COG6: variants seen among roughly 807,000 people sequenced by gnomAD.
The protein encoded by COG6 is component of oligomeric golgi complex 6.
In COG6, 74 loss-of-function variants were observed where a neutral mutation model predicts 88.8. That is an observed-to-expected ratio of 0.83 (90% CI 0.69 to 1.01). The LOEUF is 1.01. Ranked by LOEUF, COG6 falls within the 50% of genes least tolerant of loss-of-function variation. The probability of loss-of-function intolerance (pLI) is 0.00; values close to 1 mark genes in which losing one functional copy is unlikely to be tolerated. For synonymous variants in COG6, 286 were observed against 278.7 expected, an observed-to-expected ratio of 1.03 and a Z score of -0.26; for missense variants, 800 against 797.9, an observed-to-expected ratio of 1.00 and a Z score of -0.03.
intron 5 of COG6, 40 bp from the exon 6 acceptor site, chr13:39,679,498 C>A: frequency 1.8e-6 from 2 of 1,132,336 alleles, no homozygotes; most frequent in South Asian, 1.2e-5. Context: ...TGCAATTTTG[C>A]CTGAAGCATG....
At chr13:39,668,972 A>G (rs1250155627) in intron 4 of COG6, among the ~76,000 whole-genome samples, 1 of 152,094 alleles carries the variant, frequency 6.6e-6, no homozygotes, top group Non-Finnish European at 1.5e-5. Context: ...ATTTATTTTT[A>G]TACATTTTAT....
chr13:39,699,161 C>A (rs1051782434), intron 12 of COG6, among the ~76,000 whole-genome samples: 3 of 151,598 alleles, frequency 2.0e-5, no homozygotes, highest in African/African-American at 7.3e-5. Context: ...TTAAAATTAA[C>A]TGTCTTAGAT....
intron 13 of COG6, among the ~76,000 whole-genome samples, chr13:39,715,627 A>G (rs1878486663): frequency 6.6e-6 from 1 of 152,130 alleles, no homozygotes. Flanking sequence ...GCATGCACAT[A>G]TATGGAATAG....
intron 13 of COG6, among the ~76,000 whole-genome samples, chr13:39,706,249 ACTCC>A (rs1399124225): frequency 6.8e-5 from 4 of 58,890 alleles, no homozygotes; most frequent in Admixed American, 2.8e-4. Context: ...ATATATATAT[ACTCC>A]TTTATATATA....
chr13:39,674,910 T>TC, intron 4 of COG6, among the ~76,000 whole-genome samples: 1 of 152,152 alleles, frequency 6.6e-6, no homozygotes, highest in South Asian at 2.1e-4. Flanking sequence ...TTGGACTATA[T>TC]CCCCCGAGGA....
intron 12 of COG6, among the ~76,000 whole-genome samples, chr13:39,699,162 T>C (rs1402992576): frequency 6.6e-6 from 1 of 151,784 alleles, no homozygotes; most frequent in Admixed American, 6.6e-5. Flanking sequence ...TAAAATTAAC[T>C]GTCTTAGATA....
intron 18 of COG6, among the ~76,000 whole-genome samples, chr13:39,776,117 C>T (rs923562866): frequency 3.9e-5 from 6 of 151,972 alleles, no homozygotes; most frequent in Non-Finnish European, 5.9e-5. Context: ...GCTGGAAAAA[C>T]GTAACTATAT....
At chr13:39,745,575 AAGTC>A (rs1272816976) in intron 18 of COG6, among the ~76,000 whole-genome samples, 1 of 152,210 alleles carries the variant, frequency 6.6e-6, no homozygotes, top group African/African-American at 2.4e-5. Flanking sequence ...GATCATTAAA[AAGTC>A]AGGAAACAAC....
intron 18 of COG6, among the ~76,000 whole-genome samples, chr13:39,729,181 G>T (rs569600236): frequency 6.6e-6 from 1 of 152,114 alleles, no homozygotes; most frequent in Non-Finnish European, 1.5e-5. Flanking sequence ...CCCCAACCCC[G>T]GGCCAGGGAC....
intron 18 of COG6, among the ~76,000 whole-genome samples, chr13:39,728,732 T>G (rs899453708): frequency 1.9e-4 from 29 of 151,948 alleles, no homozygotes; most frequent in Non-Finnish European, 3.2e-4. Flanking sequence ...TGCAGTGATC[T>G]TGGCTCAGTG....
chr13:39,777,386 T>C (rs1881496029), intron 18 of COG6, among the ~76,000 whole-genome samples: 1 of 152,102 alleles, frequency 6.6e-6, no homozygotes, highest in South Asian at 2.1e-4. Context: ...AGAATAAGAG[T>C]TAACTAGGTT....
At chr13:39,673,847 G>A (rs1002879809) in intron 4 of COG6, among the ~76,000 whole-genome samples, 1 of 151,592 alleles carries the variant, frequency 6.6e-6, no homozygotes, top group Non-Finnish European at 1.5e-5. Context: ...AATATTTTAT[G>A]TTCATTTTCC....
intron 1 of COG6, among the ~76,000 whole-genome samples, chr13:39,656,640 G>C (rs1874526736): frequency 6.6e-6 from 1 of 151,978 alleles, no homozygotes; most frequent in Middle Eastern, 3.4e-3. Flanking sequence ...AGTTTTATAG[G>C]TGAATATGTA....
chr13:39,665,949 C>T (rs1226911667), intron 4 of COG6, among the ~76,000 whole-genome samples: 1 of 152,210 alleles, frequency 6.6e-6, no homozygotes, highest in African/African-American at 2.4e-5. Flanking sequence ...TTTGTAAATG[C>T]AGCTTTATTG....
intron 18 of COG6, among the ~76,000 whole-genome samples, chr13:39,775,157 G>T (rs1881427602): frequency 6.6e-6 from 1 of 152,110 alleles, no homozygotes; most frequent in African/African-American, 2.4e-5. Context: ...CTGGCCTGGA[G>T]GTTCCATTTC....
At chr13:39,738,210 A>C (rs1248648499) in intron 18 of COG6, among the ~76,000 whole-genome samples, 1 of 152,092 alleles carries the variant, frequency 6.6e-6, no homozygotes, top group Non-Finnish European at 1.5e-5. Context: ...CGATCTCTGG[A>C]GGCTTCTATT....
intron 13 of COG6, among the ~76,000 whole-genome samples, chr13:39,707,689 A>AT (rs1395484025): frequency 1.3e-5 from 2 of 152,202 alleles, no homozygotes; most frequent in African/African-American, 4.8e-5. Flanking sequence ...CCCTGACTTA[A>AT]CATATCTGTA....
chr13:39,666,978 G>A (rs945055589), intron 4 of COG6, among the ~76,000 whole-genome samples: 2 of 152,136 alleles, frequency 1.3e-5, no homozygotes, highest in Non-Finnish European at 2.9e-5. Context: ...TCAAACCATA[G>A]TTCATTGAAC....
chr13:39,707,229 A>G (rs765062068), intron 13 of COG6, among the ~76,000 whole-genome samples: 6 of 151,534 alleles, frequency 4.0e-5, no homozygotes, highest in Non-Finnish European at 8.8e-5. Context: ...CCCGGGTTCA[A>G]GTGATTCTCC....
Sources: allele counts gnomAD v4.1 joint callset (sites outside exome capture counted in the v4.1 genomes callset), GRCh38; gene constraint gnomAD v4.1.1; transcripts MANE v1.5; gene names NCBI Gene and HGNC (gene_info 2026-07-23, HGNC 2026-07-21).